Variants in NF1 observed in about 807,000 individuals in gnomAD.
NF1 encodes neurofibromin 1, also known as neurofibromin.
A neutral mutation model predicts 325.7 loss-of-function variants in NF1; 122 were observed. That is an observed-to-expected ratio of 0.37 (90% confidence interval 0.32 to 0.44). The LOEUF (loss-of-function observed/expected upper bound fraction) is 0.44, where lower values mean the gene tolerates loss of function less well. Ranked by LOEUF, NF1 falls within the 20% of genes least tolerant of loss-of-function variation. The pLI, the probability that NF1 is intolerant of heterozygous loss-of-function variation, is 1.00. For missense variants in NF1, 2,140 were observed against 3,415.4 expected (o/e 0.63, Z 9.31); for synonymous variants, 1,091 against 1,186.0 (o/e 0.92, Z 1.65).
intron 30 of NF1, chr17:31,250,124 C>T (rs1426599667): frequency 7.3e-6 from 3 of 413,316 alleles, no homozygotes; most frequent in Non-Finnish European, 1.4e-5. Context: ...AAGCTTTTCA[C>T]GGTATACATA....
Position 31,181,801 on chromosome 17 carries a change from A to G in NF1, c.730+16A>G. On this transcript the variant is annotated intron_variant, in intron 7 of 57. Transcript: ENST00000358273. The stretch of plus-strand genomic sequence containing the variant: ...GATATGGCTGGTAAGGATACGATTG[A>G]TTTTTTTTTTTTTTTTGTCTTTTAA... 8.2e-7 allele frequency: 1 copy of G among 1,218,592 alleles called. No homozygotes were observed. Among genetic ancestry groups the G allele is most frequent in the Non-Finnish European group, 1.2e-6 (1 of 853,106 alleles). 75.5% of individuals were successfully genotyped at this position (1,218,592 alleles called of 1,614,324 possible).
At position 31,242,305 on chromosome 17, in the gene NF1, C is replaced by CTTTTTTTT. The variant is rs200376987; in HGVS notation, c.3974+6304_3974+6311dup. ...TCTTTCCCTAGGTTTCATAAGTTCT[C>CTTTTTTTT]TTTTTTTTTTTTTTTTTTTTTTTTT... On this transcript the variant is annotated intron_variant, in intron 29 of 57. Transcript: ENST00000358273. Among the ~76,000 whole-genome samples, 141 of 68,870 alleles carry CTTTTTTTT rather than the reference C, an allele frequency of 2.0e-3. 13 individuals carry two copies. The highest frequency in any genetic ancestry group is 5.8e-3 in the East Asian group (11 of 1,888). The allele number at this position is 68,870 out of a possible 152,430, so 45.2% of individuals were successfully genotyped here. A position where few individuals can be genotyped will look rare whatever the true frequency, so the allele number is the denominator to read the frequency against.
intron 40 of NF1, among the ~76,000 whole-genome samples, chr17:31,335,305 T>A (rs2069634317): frequency 8.2e-6 from 1 of 122,466 alleles, no homozygotes; most frequent in Non-Finnish European, 1.7e-5. Flanking sequence ...TAATTATGCC[T>A]TGAAGGAGAC....
intron 1 of NF1, among the ~76,000 whole-genome samples, chr17:31,101,297 A>G (rs780745477): frequency 6.6e-6 from 1 of 152,036 alleles, no homozygotes; most frequent in Non-Finnish European, 1.5e-5. Flanking sequence ...TTTCTACTGA[A>G]TTGGAGTTCC....
At position 31,332,072 on chromosome 17, in the gene NF1, G is replaced by T. The variant is rs73277705; in HGVS notation, c.5812+1574G>T. On this transcript the variant is annotated intron_variant, in intron 39 of 57. Transcript: ENST00000358273. ...AACAAAGGAAATAGCGAACAGATTTGACTACATAAAACTTCAAAACATAGC... is the reference window on the plus strand; with the variant it reads ...AACAAAGGAAATAGCGAACAGATTTTACTACATAAAACTTCAAAACATAGC... Among the ~76,000 whole-genome samples, 1,189 of 151,988 alleles carry T rather than the reference G, an allele frequency of 7.8e-3. 20 individuals carry two copies. The highest frequency in any genetic ancestry group is 0.027 in the African/African-American group (1,139 of 41,442).
intron 36 of NF1, chr17:31,318,321 A>G: frequency 1.2e-6 from 2 of 1,608,804 alleles, no homozygotes; most frequent in Non-Finnish European, 1.7e-6. Context: ...TCTGTTTGTT[A>G]GTAAGTTTTT....
At chr17:31,361,774 T>C (rs1009557085) in intron 57 of NF1, among the ~76,000 whole-genome samples, 2 of 152,262 alleles carry the variant, frequency 1.3e-5, no homozygotes, top group Admixed American at 6.5e-5. Flanking sequence ...TTTCAACTTA[T>C]GTAATTTTGA....
chr17:31,348,939 A>G (rs1158548263), intron 48 of NF1, among the ~76,000 whole-genome samples, 181 bp from the exon 49 acceptor site: 1 of 152,204 alleles, frequency 6.6e-6, no homozygotes, highest in Non-Finnish European at 1.5e-5. Context: ...AATCTTATAC[A>G]TAATTAATTA....
At chr17:31,207,562 A>G (rs1190437578) in intron 12 of NF1, among the ~76,000 whole-genome samples, 2 of 152,206 alleles carry the variant, frequency 1.3e-5, no homozygotes, top group Admixed American at 1.3e-4. Context: ...AATATAGCCA[A>G]AAGATCATGG....
At chr17:31,318,774 T>C in intron 36 of NF1, 1 of 1,614,064 alleles carries the variant, frequency 6.2e-7, no homozygotes, top group Non-Finnish European at 8.5e-7. Flanking sequence ...CGATGTGAGA[T>C]GTTTCAGGCA....
chr17:31,294,296 T>C (rs1407396452), intron 36 of NF1, among the ~76,000 whole-genome samples: 1 of 152,234 alleles, frequency 6.6e-6, no homozygotes, highest in Non-Finnish European at 1.5e-5. Context: ...TTAACACTTT[T>C]CTTACATGCA....
chr17:31,295,000 T>A lies in NF1; in HGVS notation c.4835+29661T>A, dbSNP rs1366760904. The A allele has an allele frequency of 1.9e-6, 3 of 1,613,906 alleles. No individual in the cohort carries two copies. In the Admixed American group the frequency reaches 5.0e-5, roughly 27 times the overall value. ...GAGTGCTTTCATTAGTTTCAGAAAA[T>A]GCAGACCCTCAGACAGCCAGCATGA... On this transcript the variant is annotated intron_variant, in intron 36 of 57. Coordinates refer to ENST00000358273, the MANE Select transcript of NF1 (RefSeq NM_001042492.3).
chr17:31,197,845 G>C (rs959101846), intron 8 of NF1, among the ~76,000 whole-genome samples: 2 of 152,150 alleles, frequency 1.3e-5, no homozygotes, highest in African/African-American at 4.8e-5. Context: ...ATGCCAAATA[G>C]AAGAAGAAAA....
intron 1 of NF1, among the ~76,000 whole-genome samples, chr17:31,141,035 A>G (rs1916173930): frequency 6.6e-6 from 1 of 152,204 alleles, no homozygotes; most frequent in Non-Finnish European, 1.5e-5. Flanking sequence ...TAACATGAAG[A>G]CTATAGTTAA....
intron 13 of NF1, among the ~76,000 whole-genome samples, chr17:31,218,739 T>C (rs1450375870): frequency 2.6e-5 from 4 of 152,012 alleles, no homozygotes; most frequent in Non-Finnish European, 5.9e-5. Context: ...GCCTGGCTAA[T>C]TTTTATATTT....
intron 36 of NF1, among the ~76,000 whole-genome samples, chr17:31,292,076 G>T (rs1426910155): frequency 2.0e-5 from 3 of 152,168 alleles, no homozygotes; most frequent in Admixed American, 1.3e-4. Flanking sequence ...TGTAAGTTCT[G>T]CCAGCCCATT....
At chr17:31,345,814 C>G in intron 48 of NF1, 1 of 1,614,136 alleles carries the variant, frequency 6.2e-7, no homozygotes, top group East Asian at 2.2e-5. Context: ...CAAGCCGAAG[C>G]CCTGGACAAA....
At chr17:31,126,088 T>C (rs1350336796) in intron 1 of NF1, among the ~76,000 whole-genome samples, 1 of 152,074 alleles carries the variant, frequency 6.6e-6, no homozygotes, top group African/African-American at 2.4e-5. Context: ...CTCGGGAGGC[T>C]AAGGCAGGGG....
Position 31,225,134 on chromosome 17 carries a change from G to C in NF1, c.1885G>C (p.Gly629Arg), listed in dbSNP as rs199474738. 1 of 1,613,438 alleles carries C rather than the reference G, an allele frequency of 6.2e-7. No individual in the cohort carries two copies. The highest frequency in any genetic ancestry group is 2.2e-5 in the East Asian group (1 of 44,836). The change falls in exon 17 of 58, where the codon GGG becomes CGG. Residue 629 changes from glycine (G) to arginine (R), a missense_variant. This residue lies in a region of NF1 where 45 missense variants were observed against 42.5 expected (regional missense o/e 1.06). Transcript: ENST00000358273. ...RSSCHFLLFYGVGCDIPSSGN... is the reference protein window; with the variant it reads ...RSSCHFLLFYRVGCDIPSSGN... Reference sequence around the variant, plus strand: ...TTCCTGTCACTTTCTCCTTTTTTACGGGGTAGGATGTGATATTCCTTCTAG... The same window carrying C: ...TTCCTGTCACTTTCTCCTTTTTTACCGGGTAGGATGTGATATTCCTTCTAG...
Sources: allele counts gnomAD v4.1 joint callset (sites outside exome capture counted in the v4.1 genomes callset), GRCh38; gene constraint gnomAD v4.1.1; regional missense constraint gnomAD v4.1.1; transcripts MANE v1.5; gene names NCBI Gene and HGNC (gene_info 2026-07-23, HGNC 2026-07-21).